MARK2: variants seen among roughly 807,000 people sequenced by gnomAD.
MARK2 encodes microtubule affinity regulating kinase 2, also known as serine/threonine-protein kinase MARK2.
Under a neutral mutation model 89.8 loss-of-function variants are expected in MARK2, and 16 were observed. The observed-to-expected ratio is 0.18, with a 90% confidence interval of 0.12 to 0.27. MARK2 has a LOEUF of 0.27. Among genes scored for constraint, MARK2 ranks in the 10% least tolerant of loss-of-function variants. The pLI is 1.00. For missense variants in MARK2, 621 were observed against 1,049.9 expected, an observed-to-expected ratio of 0.59 and a Z score of 5.65; for synonymous variants, 382 against 399.5, an observed-to-expected ratio of 0.96 and a Z score of 0.52.
In MARK2 at chr11:63,904,926, G is replaced by A. The variant is rs1370861751; in HGVS notation, c.1817G>A (p.Arg606Gln). ...CATGCTGGGCAGCTCCGACAGGTGC[G>A]GGACCAGCAGAATTTGCCCTACGGT... ...TFHAGQLRQV[R>Q]DQQNLPYGVT... The change falls in exon 16 of 19, where the codon CGG becomes CAG. Residue 606 changes from arginine to glutamine, a missense_variant. Physicochemically the swap from Arg to Gln is conservative, Grantham distance 43 (BLOSUM62 1). Around this residue, in one of 5 missense-constraint regions of MARK2, gnomAD observed 397 missense variants for 567.8 expected, o/e 0.70. Transcript: ENST00000402010. The surrounding 1 kb of genome is among the most constrained non-coding windows in gnomAD (Gnocchi z 6.3). 13 of 1,614,110 alleles carry A rather than the reference G, an allele frequency of 8.1e-6. No homozygotes were observed. Among genetic ancestry groups the A allele is most frequent in the Non-Finnish European group, 1.1e-5 (13 of 1,180,044 alleles).
rs1288538700 is a variant in MARK2, at chr11:63,860,557, AAAAT to A, written c.54+21003_54+21006del. ...ACAGAGACTCCCTCTCAAAAAAAAAAAAATAAATAGAAATAAAAAAGCCAGGCAC... is the reference window on the plus strand; with the variant it reads ...ACAGAGACTCCCTCTCAAAAAAAAAAAAATAGAAATAAAAAAGCCAGGCAC... On this transcript the variant is annotated intron_variant, in intron 1 of 18. Coordinates refer to ENST00000402010, the MANE Select transcript of MARK2 (RefSeq NM_001039469.3). Among the ~76,000 whole-genome samples the A allele has an allele frequency of 2.8e-4, 42 of 150,326 alleles. 1 individual carries two copies. The highest frequency in any genetic ancestry group is 2.2e-3 in the Admixed American group (33 of 15,058).
chr11:63,865,990 C>T lies in MARK2; in HGVS notation c.54+26430C>T, dbSNP rs536746928. 3.3e-5 allele frequency among the ~76,000 whole-genome samples: 5 copies of T among 152,252 alleles called. No homozygotes were observed. The East Asian group carries it at 7.7e-4, about 23-fold the overall frequency. ...GTCTCTTCTACCCTGCTCTCTGGTG[C>T]GTTCCTGTTCTGTTTGGTAGCACCA... On this transcript the variant is annotated intron_variant, in intron 1 of 18. Coordinates refer to ENST00000402010, the MANE Select transcript of MARK2 (RefSeq NM_001039469.3).
At chr11:63,887,420 A>C (rs1939466914) in intron 1 of MARK2, among the ~76,000 whole-genome samples, 1 of 152,248 alleles carries the variant, frequency 6.6e-6, no homozygotes, top group African/African-American at 2.4e-5. Context: ...TGGAGAAAAC[A>C]AAGTGTAAGC....
rs764683770 is a variant in MARK2, at chr11:63,909,084, C to T, written c.2214C>T (p.Gly738=). 3 of 1,613,608 alleles carry T rather than the reference C, an allele frequency of 1.9e-6. No individual in the cohort carries two copies. In the East Asian group the frequency reaches 6.7e-5, roughly 36 times the overall value. ...AGTACATGCTGCTGTGCATGCACGG[C>T]ACGCCGGGCCACGAGGACTTCGTGC... ...HEKYMLLCMH[G]TPGHEDFVQW... The change falls in exon 19 of 19, where the codon GGC becomes GGT. Residue 738 remains glycine (G), a synonymous_variant. Transcript: ENST00000402010.
chr11:63,879,308 A>G (rs973102383), intron 1 of MARK2, among the ~76,000 whole-genome samples: 2 of 151,778 alleles, frequency 1.3e-5, no homozygotes, highest in South Asian at 2.1e-4. Context: ...CTCTGTCTCA[A>G]AAAAAAAACA....
At chr11:63,872,766 G>A (rs953322843) in intron 1 of MARK2, among the ~76,000 whole-genome samples, 1 of 152,172 alleles carries the variant, frequency 6.6e-6, no homozygotes, top group African/African-American at 2.4e-5. Flanking sequence ...GTAGTGCCCA[G>A]AGATTGGAGC....
chr11:63,869,021 G>A lies in MARK2; in HGVS notation c.55-26138G>A, dbSNP rs116001726. On this transcript the variant is annotated intron_variant, in intron 1 of 18. Transcript: ENST00000402010. ...TGTTTTCCGAGGCCACTGTGAGTGAGGGAAGAGTGAGAAGGATGACCATTT... is the reference window on the plus strand; with the variant it reads ...TGTTTTCCGAGGCCACTGTGAGTGAAGGAAGAGTGAGAAGGATGACCATTT... The A allele has an allele frequency of 1.2e-3, 431 of 365,680 alleles. 3 individuals carry two copies. The highest frequency in any genetic ancestry group is 8.7e-3 in the African/African-American group (412 of 47,390). The allele number at this position is 365,680 out of a possible 1,614,324, so 22.7% of individuals were successfully genotyped here.
At chr11:63,861,152 C>T (rs988639198) in intron 1 of MARK2, among the ~76,000 whole-genome samples, 12 of 152,020 alleles carry the variant, frequency 7.9e-5, no homozygotes, top group African/African-American at 2.7e-4. Flanking sequence ...ACTTTAATTT[C>T]GGGTTGGGTG....
At chr11:63,888,817 G>A (rs1348512500) in intron 1 of MARK2, 8 of 1,290,414 alleles carry the variant, frequency 6.2e-6, no homozygotes, top group East Asian at 1.1e-4. Context: ...TGCTCTGGCT[G>A]AGTAAGGGTG....
chr11:63,860,425 G>T (rs1051926397), intron 1 of MARK2, among the ~76,000 whole-genome samples: 1 of 150,408 alleles, frequency 6.6e-6, no homozygotes, highest in East Asian at 2.0e-4. Flanking sequence ...GGTGGCGTGC[G>T]CCTGTAGTCC....
intron 1 of MARK2, among the ~76,000 whole-genome samples, chr11:63,849,558 G>A (rs548795246): frequency 2.8e-4 from 42 of 152,304 alleles, no homozygotes; most frequent in African/African-American, 9.9e-4. Context: ...TTCGAGACCA[G>A]CCTGACCAAC....
intron 1 of MARK2, among the ~76,000 whole-genome samples, chr11:63,880,864 A>G (rs1040551874): frequency 1.3e-5 from 2 of 152,212 alleles, no homozygotes; most frequent in African/African-American, 4.8e-5. Flanking sequence ...TTTGCAGAGT[A>G]CACTGAAGTG....
chr11:63,843,631 C>A (rs745835193), intron 1 of MARK2, among the ~76,000 whole-genome samples: 43 of 146,558 alleles, frequency 2.9e-4, no homozygotes, highest in Admixed American at 1.3e-3. Flanking sequence ...ATATAAAACT[C>A]TTTTTTTTTT....
chr11:63,893,767 C>T (rs909427550), intron 1 of MARK2, among the ~76,000 whole-genome samples: 3 of 152,066 alleles, frequency 2.0e-5, no homozygotes, highest in African/African-American at 4.8e-5. Flanking sequence ...TACACGTAAC[C>T]CCATATGACA....
At chr11:63,859,648 T>C (rs75037984) in intron 1 of MARK2, among the ~76,000 whole-genome samples, 2 of 148,220 alleles carry the variant, frequency 1.3e-5, no homozygotes, top group Non-Finnish European at 1.5e-5. Context: ...TTTTTTTTTT[T>C]CGAGACAGAG....
At chr11:63,869,974 C>T (rs1223844454) in intron 1 of MARK2, among the ~76,000 whole-genome samples, 3 of 152,206 alleles carry the variant, frequency 2.0e-5, no homozygotes, top group African/African-American at 7.2e-5. Flanking sequence ...ACAAAAGTCC[C>T]AGGAGGGTGA....
At chr11:63,871,278 GTGCTT>G (rs1938431825) in intron 1 of MARK2, among the ~76,000 whole-genome samples, 1 of 152,270 alleles carries the variant, frequency 6.6e-6, no homozygotes, top group African/African-American at 2.4e-5. Flanking sequence ...GTAAGAGGGA[GTGCTT>G]TCACTGTGTG....
intron 1 of MARK2, among the ~76,000 whole-genome samples, chr11:63,853,459 A>G (rs1372983827): frequency 6.6e-6 from 1 of 152,182 alleles, no homozygotes; most frequent in East Asian, 1.9e-4. Flanking sequence ...ACAGAATTTT[A>G]CTTTCACCTT....
Position 63,908,995 on chromosome 11 carries a change from G to A in MARK2, c.2125G>A (p.Glu709Lys). 6.3e-7 allele frequency: 1 copy of A among 1,580,834 alleles called. No homozygotes were observed. The highest frequency in any genetic ancestry group is 8.7e-7 in the Non-Finnish European group (1 of 1,153,728). ...GACCACGAGCTCCATGGAGCCCAAC[G>A]AGATGATGCGGGAGATCCGCAAGGT... ...MKTTSSMEPN[E>K]MMREIRKVLD... Residue 709 changes from glutamate (E) to lysine (K), a missense_variant, in exon 19 of 19, where the codon GAG becomes AAG. Transcript: ENST00000402010.
Sources: gnomAD v4.1 joint callset for allele counts (sites outside exome capture counted in the v4.1 genomes callset) on GRCh38, gnomAD v4.1.1 for gene constraint, gnomAD v4.1.1 regional missense constraint, Gnocchi (gnomAD v3.1) non-coding constraint, MANE v1.5 for transcripts, NCBI Gene and HGNC (gene_info 2026-07-23, HGNC 2026-07-21) for gene names.